Variants in SLC35B4 observed in about 807,000 individuals in gnomAD.
SLC35B4 encodes the protein solute carrier family 35 member B4.
Under a neutral mutation model 39.5 loss-of-function variants are expected in SLC35B4, and 28 were observed. The ratio of observed to expected loss-of-function variants is 0.71; its 90% confidence interval spans 0.53 to 0.97. The LOEUF is 0.97. SLC35B4 is among the 50% of genes least tolerant of loss of function. The pLI is 0.00. For synonymous variants in SLC35B4, 145 were observed against 150.4 expected (o/e 0.96, Z 0.26); for missense variants, 334 against 414.3 (o/e 0.81, Z 1.68).
chr7:134,294,723 G>T lies in SLC35B4; in HGVS notation c.*110C>A. On this transcript the variant is annotated 3_prime_UTR_variant, in exon 10 of 10. Transcript: ENST00000378509. ...CCTCCTGAAGATTTCCTTTTGCACG[G>T]CTGGCTCAGCACTGCGGGTAGCTCG... 3 of 1,400,068 alleles carry T rather than the reference G, an allele frequency of 2.1e-6. No homozygotes were observed. Among genetic ancestry groups the T allele is most frequent in the Non-Finnish European group, 2.9e-6 (3 of 1,033,340 alleles). The allele number at this position is 1,400,068 out of a possible 1,614,324, so 86.7% of individuals were successfully genotyped here.
chr7:134,304,041 C>G (rs1285696102), intron 4 of SLC35B4, among the ~76,000 whole-genome samples: 5 of 152,148 alleles, frequency 3.3e-5, no homozygotes, highest in Non-Finnish European at 2.9e-5. Flanking sequence ...CCTTAGTTTG[C>G]TATGCTGTAC....
At position 134,293,629 on chromosome 7, in the gene SLC35B4, A is replaced by G. The variant is rs1476340689; in HGVS notation, c.*1204T>C. 6.6e-6 allele frequency: 1 copy of G among 152,076 alleles called. No homozygotes were observed. Among genetic ancestry groups the G allele is most frequent in the African/African-American group, 2.4e-5 (1 of 41,384 alleles). 9.4% of individuals were successfully genotyped at this position (152,076 alleles called of 1,614,324 possible). A position where few individuals can be genotyped will look rare whatever the true frequency, so the allele number is the denominator to read the frequency against. ...GGCAGAGGGGAATCTCCTGGTGGTG[A>G]AGCCTTATCCTCCCACTTGAGACCC... On this transcript the variant is annotated 3_prime_UTR_variant, in exon 10 of 10. Transcript: ENST00000378509.
intron 8 of SLC35B4, among the ~76,000 whole-genome samples, 153 bp from the exon 9 acceptor site, chr7:134,296,619 G>C (rs1803471859): frequency 6.6e-6 from 1 of 152,152 alleles, no homozygotes; most frequent in Non-Finnish European, 1.5e-5. Context: ...TACTTGCCTT[G>C]ACTCCAGGCT....
chr7:134,295,293 C>T (rs187184949), intron 9 of SLC35B4: 1 of 531,016 alleles, frequency 1.9e-6, no homozygotes, highest in Non-Finnish European at 3.3e-6. Context: ...CGCCAAAAAA[C>T]CCCCAATTAT....
intron 4 of SLC35B4, among the ~76,000 whole-genome samples, chr7:134,302,432 G>A (rs1216746096): frequency 2.0e-5 from 3 of 152,212 alleles, no homozygotes; most frequent in Admixed American, 2.0e-4. Context: ...ATGAAAGGCT[G>A]ACCCAGTCCT....
chr7:134,302,007 A>C (rs1471821366), intron 5 of SLC35B4, 22 bp downstream of exon 5: 1 of 1,609,462 alleles, frequency 6.2e-7, no homozygotes, highest in Non-Finnish European at 8.5e-7. Flanking sequence ...AGTGAACATA[A>C]AATAATTTGT....
At chr7:134,316,471 T>C (rs984532631) in intron 1 of SLC35B4, among the ~76,000 whole-genome samples, 1 of 152,226 alleles carries the variant, frequency 6.6e-6, no homozygotes, top group Admixed American at 6.5e-5. Flanking sequence ...CTGCCGCCGG[T>C]GCGCAGTTTT....
chr7:134,296,555 A>G lies in SLC35B4; in HGVS notation c.674-89T>C, dbSNP rs73727212. ...AACAGGGTAATACAGACTGAACATA[A>G]TAGGAACAGCAACATTGTCTTCCTT... On this transcript the variant is annotated intron_variant, in intron 8 of 9. Transcript: ENST00000378509. The G allele has an allele frequency of 4.1e-4, 359 of 868,264 alleles. No homozygotes were observed. In the African/African-American group the frequency reaches 5.5e-3, roughly 13 times the overall value. The allele number at this position is 868,264 out of a possible 1,614,324, so 53.8% of individuals were successfully genotyped here.
intron 9 of SLC35B4, among the ~76,000 whole-genome samples, chr7:134,295,799 A>G (rs1260000115): frequency 1.3e-5 from 2 of 152,118 alleles, no homozygotes; most frequent in South Asian, 2.1e-4. Flanking sequence ...AATCACAGGT[A>G]CAAATCACAG....
chr7:134,291,411 A>G lies in SLC35B4; in HGVS notation c.*3422T>C, dbSNP rs940634597. On this transcript the variant is annotated 3_prime_UTR_variant, in exon 10 of 10. Transcript: ENST00000378509. The stretch of plus-strand genomic sequence containing the variant: ...GAGAGGCATAAACAGATACAAGATG[A>G]TAAGTCTTTCTTAGCAGAAAACGCT... 1.3e-5 allele frequency: 2 copies of G among 152,236 alleles called. No individual in the cohort carries two copies. Among genetic ancestry groups the G allele is most frequent in the East Asian group, 1.9e-4 (1 of 5,206 alleles). 9.4% of individuals were successfully genotyped at this position (152,236 alleles called of 1,614,324 possible). A position where few individuals can be genotyped will look rare whatever the true frequency, so the allele number is the denominator to read the frequency against.
chr7:134,313,562 T>C (rs567983368), intron 1 of SLC35B4, among the ~76,000 whole-genome samples: 19 of 152,350 alleles, frequency 1.2e-4, no homozygotes, highest in African/African-American at 4.6e-4. Context: ...TTACTACCTA[T>C]CTGCTCTGTC....
rs1222562741 is a variant in SLC35B4, at chr7:134,306,829, A to T, written c.192-55T>A. The stretch of plus-strand genomic sequence containing the variant: ...CAGAATCTAGGATTTCAAGAAAATC[A>T]AGTATAGGAAATATATATTTTTGGC... On this transcript the variant is annotated intron_variant, in intron 2 of 9. Transcript: ENST00000378509. 50 of 1,433,354 alleles carry T rather than the reference A, an allele frequency of 3.5e-5. 1 individual carries two copies. Among genetic ancestry groups the T allele is most frequent in the Non-Finnish European group, 4.8e-5 (50 of 1,037,910 alleles). 88.8% of individuals were successfully genotyped at this position (1,433,354 alleles called of 1,614,324 possible).
chr7:134,307,072 A>T (rs1198242737), intron 2 of SLC35B4, among the ~76,000 whole-genome samples: 1 of 152,232 alleles, frequency 6.6e-6, no homozygotes, highest in East Asian at 1.9e-4. Context: ...ATTTTCATAT[A>T]CCTCTGAAGA....
chr7:134,297,304 C>T (rs1352338384), intron 8 of SLC35B4, among the ~76,000 whole-genome samples: 1 of 152,088 alleles, frequency 6.6e-6, no homozygotes, highest in African/African-American at 2.4e-5. Flanking sequence ...TATAACTTGG[C>T]GTCATTCTTT....
chr7:134,302,216 G>A (rs953130559), intron 4 of SLC35B4, 106 bp from the exon 5 acceptor site: 9 of 888,282 alleles, frequency 1.0e-5, no homozygotes, highest in African/African-American at 1.7e-5. Context: ...AATCACTAAA[G>A]TATGACAGAC....
chr7:134,300,118 A>T, intron 7 of SLC35B4, 34 bp downstream of exon 7: 1 of 1,435,344 alleles, frequency 7.0e-7, no homozygotes, highest in Non-Finnish European at 9.7e-7. Context: ...CAACTTAGGA[A>T]TTTTCACGTT....
At chr7:134,309,267 A>G (rs1390852283) in intron 2 of SLC35B4, 99 bp downstream of exon 2, 8 of 630,052 alleles carry the variant, frequency 1.3e-5, no homozygotes, top group Non-Finnish European at 2.1e-5. Flanking sequence ...CTTTGAAATA[A>G]ATCTTATAAA....
intron 2 of SLC35B4, among the ~76,000 whole-genome samples, chr7:134,308,314 G>A (rs1331906643): frequency 6.6e-6 from 1 of 152,160 alleles, no homozygotes; most frequent in Non-Finnish European, 1.5e-5. Context: ...AAGATATGGT[G>A]ACAGGGTATA....
chr7:134,293,143 T>TACACAC lies in SLC35B4; in HGVS notation c.*1689_*1690insGTGTGT, dbSNP rs1233135163. ...AATGTGTGCACCACACACACACACA[T>TACACAC]ACATACACACACACACACACAGTCT... On this transcript the variant is annotated 3_prime_UTR_variant, in exon 10 of 10. Coordinates refer to ENST00000378509, the MANE Select transcript of SLC35B4 (RefSeq NM_032826.5). 2.8e-4 allele frequency: 29 copies of TACACAC among 105,112 alleles called. No homozygotes were observed. The highest frequency in any genetic ancestry group is 4.6e-4 in the Non-Finnish European group (23 of 49,704). 6.5% of individuals were successfully genotyped at this position (105,112 alleles called of 1,614,324 possible).
Sources: gnomAD v4.1 joint callset for allele counts (sites outside exome capture counted in the v4.1 genomes callset) on GRCh38, gnomAD v4.1.1 for gene constraint, MANE v1.5 for transcripts, NCBI Gene and HGNC (gene_info 2026-07-23, HGNC 2026-07-21) for gene names.